Variants in SYT9 observed in about 807,000 individuals in gnomAD.
SYT9 encodes the protein synaptotagmin-9.
Under a neutral mutation model 48.4 loss-of-function variants are expected in SYT9, and 22 were observed. That is an observed-to-expected ratio of 0.45 (90% CI 0.32 to 0.65). SYT9 has a LOEUF of 0.65. SYT9 is among the 30% of genes least tolerant of loss of function. The probability of loss-of-function intolerance (pLI) is 0.03; values close to 1 mark genes in which losing one functional copy is unlikely to be tolerated. For synonymous variants in SYT9, 265 were observed against 245.0 expected (o/e 1.08, Z -0.76); for missense variants, 577 against 622.0 (o/e 0.93, Z 0.77).
rs202101566 is a variant in SYT9 at position 7,303,384 on chromosome 11, C to G, written c.491C>G (p.Ser164Trp). Residue 164 changes from serine (S) to tryptophan (W), a missense_variant, in exon 2 of 7, where the codon TCG (serine) becomes TGG (tryptophan). Coordinates refer to ENST00000318881, the MANE Select transcript of SYT9 (RefSeq NM_175733.4). ...CGCCAAGTCACAGAGCCAACCTCGT[C>G]GGCCCGGTCAGTAATGCCTTCTCCT... ...VQRQVTEPTS[S>W]ARHNSIRRQL... The G allele has an allele frequency of 6.2e-7, 1 of 1,605,390 alleles. No homozygotes were observed. Among genetic ancestry groups the G allele is most frequent in the African/African-American group, 1.3e-5 (1 of 74,792 alleles).
chr11:7,463,702 G>A (rs1401659984), intron 6 of SYT9, among the ~76,000 whole-genome samples: 1 of 152,188 alleles, frequency 6.6e-6, no homozygotes. Context: ...CAGCTCACAA[G>A]CATTCTAGGA....
upstream of SYT9, among the ~76,000 whole-genome samples, chr11:7,251,575 G>C (rs142167039): frequency 5.6e-3 from 855 of 152,290 alleles, 11 homozygotes; most frequent in African/African-American, 0.02. Context: ...GCATCTGGCG[G>C]GTGTGCCCAG....
chr11:7,356,950 T>C (rs1850032879), intron 3 of SYT9, among the ~76,000 whole-genome samples: 2 of 152,182 alleles, frequency 1.3e-5, no homozygotes, highest in African/African-American at 4.8e-5. Flanking sequence ...CAGATTGTTA[T>C]TTAATTAAAA....
upstream of SYT9, among the ~76,000 whole-genome samples, chr11:7,251,030 TACAC>T (rs1847856981): frequency 1.3e-5 from 2 of 151,886 alleles, no homozygotes; most frequent in Non-Finnish European, 2.9e-5. Context: ...GGATAACAAT[TACAC>T]AGACCTTGTT....
chr11:7,299,665 A>T (rs141767523), intron 1 of SYT9, among the ~76,000 whole-genome samples: 1 of 152,234 alleles, frequency 6.6e-6, no homozygotes, highest in Non-Finnish European at 1.5e-5. Context: ...GATGGGCTTC[A>T]TCACTTACTG....
At chr11:7,427,739 A>G (rs1020937930) in intron 6 of SYT9, 6 of 152,246 alleles carry the variant, frequency 3.9e-5, no homozygotes, top group African/African-American at 1.4e-4. Context: ...TTTGTTGTAA[A>G]AAATAAACTA....
chr11:7,321,376 G>A (rs1589943629), intron 3 of SYT9, among the ~76,000 whole-genome samples: 5 of 152,292 alleles, frequency 3.3e-5, no homozygotes, highest in Middle Eastern at 3.4e-3. Flanking sequence ...CCCAGGCAGG[G>A]GGAATATAAG....
In SYT9 at chr11:7,377,115, T is replaced by C. The variant is rs141189264; in HGVS notation, c.1045-38927T>C. Among the ~76,000 whole-genome samples, 735 of 150,720 alleles carry C rather than the reference T, an allele frequency of 4.9e-3. 2 individuals are homozygous for C. Among genetic ancestry groups the C allele is most frequent in the Non-Finnish European group, 8.3e-3 (563 of 67,652 alleles). ...AGTCCCTGATGTCAACTGTCCCTGATCAACCTATTGTTCCCTTCCTGTAGA... is the reference window on the plus strand; with the variant it reads ...AGTCCCTGATGTCAACTGTCCCTGACCAACCTATTGTTCCCTTCCTGTAGA... On this transcript the variant is annotated intron_variant, in intron 3 of 6. Transcript: ENST00000318881.
At chr11:7,287,017 C>T (rs1848608503) in intron 1 of SYT9, among the ~76,000 whole-genome samples, 1 of 152,202 alleles carries the variant, frequency 6.6e-6, no homozygotes, top group Non-Finnish European at 1.5e-5. Context: ...ATCTTTATAG[C>T]AGCACCTCAC....
At chr11:7,321,984 T>A (rs1156947111) in intron 3 of SYT9, among the ~76,000 whole-genome samples, 1 of 152,144 alleles carries the variant, frequency 6.6e-6, no homozygotes, top group African/African-American at 2.4e-5. Context: ...TTCCTTCACT[T>A]CATCCCAGTG....
intron 3 of SYT9, among the ~76,000 whole-genome samples, chr11:7,349,223 C>T (rs920290051): frequency 3.3e-5 from 5 of 152,120 alleles, no homozygotes; most frequent in African/African-American, 1.2e-4. Context: ...TTAATGGATA[C>T]AGAGTGTCTA....
rs139533857 is a variant in SYT9 at position 7,308,488 on chromosome 11, A to G, written c.498-4907A>G. ...GCAGTGGGTGTATATGAGGGACTCT[A>G]GAAAAAGCTGCTGGGGCAGAAGAGC... is the stretch of plus-strand genomic sequence containing the variant. On this transcript the variant is annotated intron_variant, in intron 2 of 6. Transcript: ENST00000318881. 4.5e-4 allele frequency among the ~76,000 whole-genome samples: 69 copies of G among 152,322 alleles called. 2 individuals carry two copies. The Middle Eastern group carries it at 0.01, about 23-fold the overall frequency.
chr11:7,359,843 C>T (rs1214454683), intron 3 of SYT9, among the ~76,000 whole-genome samples: 1 of 151,752 alleles, frequency 6.6e-6, no homozygotes, highest in Non-Finnish European at 1.5e-5. Flanking sequence ...TGTGCAGAAG[C>T]TCTTTAGTTT....
intron 1 of SYT9, among the ~76,000 whole-genome samples, chr11:7,293,022 G>C (rs1328959419): frequency 6.6e-6 from 1 of 152,182 alleles, no homozygotes; most frequent in Non-Finnish European, 1.5e-5. Flanking sequence ...CAGGCTGTCA[G>C]TGTCTAGCTT....
chr11:7,436,628 G>T (rs1285657018), intron 6 of SYT9, among the ~76,000 whole-genome samples: 3 of 152,074 alleles, frequency 2.0e-5, no homozygotes, highest in Non-Finnish European at 4.4e-5. Flanking sequence ...TTTTTTGTTT[G>T]TTTGTTTGTT....
At chr11:7,286,766 C>T (rs1185706046) in intron 1 of SYT9, among the ~76,000 whole-genome samples, 1 of 152,172 alleles carries the variant, frequency 6.6e-6, no homozygotes, top group Non-Finnish European at 1.5e-5. Flanking sequence ...TGCTGCCAGT[C>T]TCTTTGCATA....
intron 3 of SYT9, among the ~76,000 whole-genome samples, chr11:7,344,410 A>G (rs975859871): frequency 1.3e-5 from 2 of 152,172 alleles, no homozygotes; most frequent in African/African-American, 4.8e-5. Flanking sequence ...GCTCAAGTCC[A>G]TTTACTCAAT....
At chr11:7,421,648 A>G (rs1847356549) in intron 6 of SYT9, among the ~76,000 whole-genome samples, 1 of 152,044 alleles carries the variant, frequency 6.6e-6, no homozygotes, top group Non-Finnish European at 1.5e-5. Flanking sequence ...ATCTTTGCTC[A>G]TTGATTCACT....
intron 3 of SYT9, among the ~76,000 whole-genome samples, chr11:7,335,888 G>A (rs1026605081): frequency 6.6e-6 from 1 of 152,038 alleles, no homozygotes; most frequent in South Asian, 2.1e-4. Context: ...AGGTCAAATG[G>A]TAGTTCTGTT....
Sources: allele counts gnomAD v4.1 joint callset (sites outside exome capture counted in the v4.1 genomes callset), GRCh38; gene constraint gnomAD v4.1.1; transcripts MANE v1.5; gene names NCBI Gene and HGNC (gene_info 2026-07-23, HGNC 2026-07-21).